RFC3: variants seen among roughly 807,000 people sequenced by gnomAD.
RFC3 encodes the protein replication factor C subunit 3, also known as A1 38 kDa subunit.
Under a neutral mutation model 45.1 loss-of-function variants are expected in RFC3, and 41 were observed. The ratio of observed to expected loss-of-function variants is 0.91; its 90% CI spans 0.71 to 1.18. RFC3 has a LOEUF of 1.18. RFC3 is among the 50% of genes most tolerant of loss of function. The pLI is 0.00. For missense variants in RFC3, 423 were observed against 428.1 expected (o/e 0.99, Z 0.10); for synonymous variants, 149 against 144.0 (o/e 1.03, Z -0.25).
At chr13:33,874,762 C>T (rs1389388360) in intron 8 of RFC3, among the ~76,000 whole-genome samples, 1 of 152,194 alleles carries the variant, frequency 6.6e-6, no homozygotes, top group Non-Finnish European at 1.5e-5. Context: ...AGATGGTAAA[C>T]CTAAATAAAA....
chr13:33,943,050 G>T (rs2082934516), intron 8 of RFC3, among the ~76,000 whole-genome samples: 1 of 152,174 alleles, frequency 6.6e-6, no homozygotes, highest in East Asian at 1.9e-4. Flanking sequence ...ATATGTGGTT[G>T]TTTCCATAAT....
intron 8 of RFC3, among the ~76,000 whole-genome samples, chr13:33,958,617 A>G (rs1051577441): frequency 6.6e-6 from 1 of 152,224 alleles, no homozygotes; most frequent in Non-Finnish European, 1.5e-5. Flanking sequence ...ATAGGAAATA[A>G]TCTTGTTTAC....
At chr13:33,850,708 A>G (rs974387436) in intron 8 of RFC3, 1 of 152,188 alleles carries the variant, frequency 6.6e-6, no homozygotes, top group African/African-American at 2.4e-5. Context: ...CAGTTAACTT[A>G]CAGGACAAAC....
At chr13:33,935,029 G>T (rs1270621883) in intron 8 of RFC3, among the ~76,000 whole-genome samples, 1 of 152,084 alleles carries the variant, frequency 6.6e-6, no homozygotes, top group Non-Finnish European at 1.5e-5. Flanking sequence ...TGACTTCCTT[G>T]TTTGGAAAGT....
At chr13:33,966,756 T>C (rs770309719), downstream of RFC3, among the ~76,000 whole-genome samples, 1 of 152,206 alleles carries the variant, frequency 6.6e-6, no homozygotes, top group Non-Finnish European at 1.5e-5. Context: ...TTTGTAACCC[T>C]ACAGAGTGGC....
chr13:33,917,017 G>A (rs1269969287), intron 8 of RFC3, among the ~76,000 whole-genome samples: 1 of 152,116 alleles, frequency 6.6e-6, no homozygotes, highest in Non-Finnish European at 1.5e-5. Context: ...AAATATTACT[G>A]TGCTAAATTT....
chr13:33,854,047 T>G (rs2082293949), intron 8 of RFC3, among the ~76,000 whole-genome samples: 1 of 152,198 alleles, frequency 6.6e-6, no homozygotes, highest in Admixed American at 6.5e-5. Flanking sequence ...GAAATTAGGA[T>G]CTTAATGGAA....
At chr13:33,832,474 G>A (rs747879257) in intron 7 of RFC3, among the ~76,000 whole-genome samples, 20 of 152,094 alleles carry the variant, frequency 1.3e-4, no homozygotes, top group Non-Finnish European at 2.5e-4. Flanking sequence ...TGTATTCCCT[G>A]GTTACCATAT....
chr13:33,832,123 A>G (rs2082110662), intron 7 of RFC3, among the ~76,000 whole-genome samples: 1 of 152,204 alleles, frequency 6.6e-6, no homozygotes, highest in Non-Finnish European at 1.5e-5. Flanking sequence ...TTCGATTGAG[A>G]AACACAGTTT....
At chr13:33,867,211 G>A (rs1013389826) in intron 8 of RFC3, among the ~76,000 whole-genome samples, 2 of 152,152 alleles carry the variant, frequency 1.3e-5, no homozygotes, top group Non-Finnish European at 2.9e-5. Context: ...GCCAATACCC[G>A]ATTTTACAAA....
At chr13:33,864,514 G>T (rs1412741426) in intron 8 of RFC3, among the ~76,000 whole-genome samples, 1 of 152,172 alleles carries the variant, frequency 6.6e-6, no homozygotes, top group Non-Finnish European at 1.5e-5. Context: ...AGCATGAACA[G>T]TGATGCTGAA....
At chr13:33,902,274 C>G (rs2137672486) in intron 8 of RFC3, among the ~76,000 whole-genome samples, 1 of 152,100 alleles carries the variant, frequency 6.6e-6, no homozygotes, top group East Asian at 1.9e-4. Context: ...CTATCAGAAG[C>G]AAGTGTCTGC....
chr13:33,827,115 T>C (rs1435264869), intron 4 of RFC3, among the ~76,000 whole-genome samples: 1 of 152,192 alleles, frequency 6.6e-6, no homozygotes, highest in African/African-American at 2.4e-5. Flanking sequence ...TAGGTTATAT[T>C]ACTGGATTTT....
intron 8 of RFC3, among the ~76,000 whole-genome samples, chr13:33,859,362 TAATC>T (rs768862396): frequency 6.6e-6 from 1 of 152,190 alleles, no homozygotes; most frequent in South Asian, 2.1e-4. Flanking sequence ...ATAGAGACGA[TAATC>T]AATCTAAATG....
At chr13:33,865,749 A>G (rs1443249341) in intron 8 of RFC3, among the ~76,000 whole-genome samples, 1 of 152,144 alleles carries the variant, frequency 6.6e-6, no homozygotes, top group Non-Finnish European at 1.5e-5. Context: ...AATAAACTTT[A>G]TCTGTCAGAA....
intron 8 of RFC3, among the ~76,000 whole-genome samples, chr13:33,880,033 C>T (rs572461924): frequency 3.9e-5 from 6 of 152,340 alleles, no homozygotes; most frequent in Middle Eastern, 3.4e-3. Context: ...TTGGGACTGC[C>T]TGGATACTCC....
chr13:33,941,236 T>TG (rs2082922098), intron 8 of RFC3, among the ~76,000 whole-genome samples: 1 of 149,152 alleles, frequency 6.7e-6, no homozygotes, highest in Non-Finnish European at 1.5e-5. Context: ...CCTGAGAGAT[T>TG]TTTTTTTTTT....
chr13:33,878,267 G>T (rs1036866639), intron 8 of RFC3, among the ~76,000 whole-genome samples: 1 of 152,146 alleles, frequency 6.6e-6, no homozygotes, highest in Non-Finnish European at 1.5e-5. Flanking sequence ...AAAATAATTT[G>T]AGTGATATCC....
intron 8 of RFC3, among the ~76,000 whole-genome samples, chr13:33,923,147 C>A (rs1417063618): frequency 6.6e-6 from 1 of 152,022 alleles, no homozygotes; most frequent in Non-Finnish European, 1.5e-5. Context: ...ATAATAATAA[C>A]CCTTGATGTG....
Sources: gnomAD v4.1 joint callset for allele counts (sites outside exome capture counted in the v4.1 genomes callset) on GRCh38, gnomAD v4.1.1 for gene constraint, MANE v1.5 for transcripts, NCBI Gene and HGNC (gene_info 2026-07-23, HGNC 2026-07-21) for gene names.